Variants in SDK1 observed in about 807,000 individuals in gnomAD.
SDK1 encodes the protein protein sidekick-1.
In SDK1, 157 loss-of-function variants were observed where a neutral mutation model predicts 245.5. The ratio of observed to expected loss-of-function variants is 0.64; its 90% CI spans 0.56 to 0.73. The LOEUF is 0.73. Ranked by LOEUF, SDK1 falls within the 30% of genes least tolerant of loss-of-function variation. SDK1 has a pLI of 0.00. For missense variants in SDK1, 3,583 were observed against 3,002.3 expected, an observed-to-expected ratio of 1.19 and a Z score of -4.52; for synonymous variants, 1,647 against 1,278.5, an observed-to-expected ratio of 1.29 and a Z score of -6.15.
chr7:3,496,306 T>C (rs974358421), intron 1 of SDK1, among the ~76,000 whole-genome samples: 2 of 152,206 alleles, frequency 1.3e-5, no homozygotes, highest in African/African-American at 2.4e-5. Context: ...GCTGTTATTA[T>C]CATTAGTTTC....
rs370692389 is a variant in SDK1, at chr7:4,175,084, A to G, written c.4937-691A>G. Among the ~76,000 whole-genome samples the G allele has an allele frequency of 2.7e-3, 395 of 147,720 alleles. 16 individuals are homozygous for G. The South Asian group carries it at 0.069, about 26-fold the overall frequency. On this transcript the variant is annotated intron_variant, in intron 33 of 44. Coordinates refer to ENST00000404826, the MANE Select transcript of SDK1 (RefSeq NM_152744.4). ...CTGTGGCACCAGGGCTGCCTACCTC[A>G]CGCGCCAATGCCAGCCGCGGGGCCT...
intron 4 of SDK1, among the ~76,000 whole-genome samples, chr7:3,788,241 A>G (rs1343116055): frequency 2.0e-5 from 3 of 152,176 alleles, no homozygotes; most frequent in Non-Finnish European, 4.4e-5. Context: ...GCCGGACACC[A>G]GACACCTTCA....
intron 1 of SDK1, among the ~76,000 whole-genome samples, chr7:3,506,803 C>T (rs1047215521): frequency 2.0e-5 from 3 of 151,194 alleles, no homozygotes; most frequent in African/African-American, 7.3e-5. Context: ...TGATTTTTTC[C>T]TATACTTTAT....
At chr7:3,348,079 T>C (rs914066327) in intron 1 of SDK1, among the ~76,000 whole-genome samples, 3 of 152,152 alleles carry the variant, frequency 2.0e-5, no homozygotes, top group Non-Finnish European at 4.4e-5. Context: ...GGCCTTGGTG[T>C]GTTTACCTCC....
chr7:3,965,873 G>A (rs992443159), intron 9 of SDK1, among the ~76,000 whole-genome samples: 1 of 152,004 alleles, frequency 6.6e-6, no homozygotes, highest in Non-Finnish European at 1.5e-5. Flanking sequence ...GCATGGGCTG[G>A]AGGGGACATC....
intron 5 of SDK1, among the ~76,000 whole-genome samples, chr7:3,908,389 C>A (rs555233191): frequency 6.6e-6 from 1 of 152,200 alleles, no homozygotes; most frequent in Admixed American, 6.5e-5. Flanking sequence ...CCACCACGAA[C>A]CTCGTGTCCC....
chr7:3,309,800 G>A (rs1779507459), intron 1 of SDK1, among the ~76,000 whole-genome samples: 1 of 152,054 alleles, frequency 6.6e-6, no homozygotes, highest in African/African-American at 2.4e-5. Flanking sequence ...GCCGGCCAAA[G>A]GTATTTTTAC....
chr7:3,884,678 G>A lies in SDK1; in HGVS notation c.847+63095G>A, dbSNP rs563009509. 2.0e-5 allele frequency among the ~76,000 whole-genome samples: 3 copies of A among 152,336 alleles called. 1 individual carries two copies. The highest frequency in any genetic ancestry group is 7.2e-5 in the African/African-American group (3 of 41,584). The stretch of plus-strand genomic sequence containing the variant: ...GCTGAGGGCAAGTGCACGGGCCAGT[G>A]TGGGGACCGGCCCCTCCAGCTCCAG... On this transcript the variant is annotated intron_variant, in intron 5 of 44. Transcript: ENST00000404826.
At chr7:4,257,327 G>T (rs1787697320) in intron 44 of SDK1, among the ~76,000 whole-genome samples, 1 of 152,130 alleles carries the variant, frequency 6.6e-6, no homozygotes, top group African/African-American at 2.4e-5. Context: ...ATCACTTTCT[G>T]TCCTTCTACA....
intron 17 of SDK1, among the ~76,000 whole-genome samples, chr7:4,022,671 C>T (rs1222794859): frequency 6.6e-6 from 1 of 152,072 alleles, no homozygotes. Flanking sequence ...TGTTTCCTTC[C>T]AGGCAACTCC....
intron 1 of SDK1, among the ~76,000 whole-genome samples, chr7:3,427,329 G>A (rs988556625): frequency 1.7e-4 from 26 of 152,072 alleles, no homozygotes; most frequent in African/African-American, 6.3e-4. Flanking sequence ...GACCAGCCTG[G>A]CCAACATGAT....
At chr7:3,851,125 C>T (rs927796068) in intron 5 of SDK1, among the ~76,000 whole-genome samples, 5 of 152,106 alleles carry the variant, frequency 3.3e-5, no homozygotes, top group Admixed American at 6.5e-5. Context: ...AAATTATACC[C>T]TACGTGTTGG....
chr7:3,361,680 G>C (rs1259150414), intron 1 of SDK1, among the ~76,000 whole-genome samples: 1 of 152,160 alleles, frequency 6.6e-6, no homozygotes, highest in Non-Finnish European at 1.5e-5. Context: ...CACCTCTTTA[G>C]AACTATTGGC....
intron 1 of SDK1, among the ~76,000 whole-genome samples, chr7:3,303,173 A>C (rs1779326650): frequency 6.6e-6 from 1 of 152,136 alleles, no homozygotes. Flanking sequence ...TTTTCATTTC[A>C]CTTATTTGTG....
At chr7:3,946,359 T>C (rs145379921) in intron 5 of SDK1, among the ~76,000 whole-genome samples, 59 of 152,210 alleles carry the variant, frequency 3.9e-4, no homozygotes, top group African/African-American at 1.3e-3. Context: ...AAAATTATTT[T>C]TGTAGACATG....
At chr7:4,152,468 C>T (rs1225830290) in intron 30 of SDK1, among the ~76,000 whole-genome samples, 3 of 152,174 alleles carry the variant, frequency 2.0e-5, no homozygotes, top group Non-Finnish European at 2.9e-5. Context: ...TTTGTGTAAC[C>T]ATCTAAAAGA....
At chr7:3,651,180 A>G (rs1182443904) in intron 4 of SDK1, among the ~76,000 whole-genome samples, 1 of 143,946 alleles carries the variant, frequency 6.9e-6, no homozygotes, top group African/African-American at 2.6e-5. Context: ...TGGCTGTACC[A>G]TTTTGTAATC....
At chr7:3,789,413 G>A (rs1781012566) in intron 4 of SDK1, among the ~76,000 whole-genome samples, 1 of 152,348 alleles carries the variant, frequency 6.6e-6, no homozygotes, top group African/African-American at 2.4e-5. Context: ...CTCCCAAAGT[G>A]CTGGGATTAC....
intron 1 of SDK1, among the ~76,000 whole-genome samples, chr7:3,453,433 T>A (rs1409675418): frequency 1.3e-5 from 2 of 152,154 alleles, no homozygotes; most frequent in Non-Finnish European, 1.5e-5. Context: ...GTAATTAAAT[T>A]CAGGATCTTG....
Sources: allele counts gnomAD v4.1 joint callset (sites outside exome capture counted in the v4.1 genomes callset), GRCh38; gene constraint gnomAD v4.1.1; transcripts MANE v1.5; gene names NCBI Gene and HGNC (gene_info 2026-07-23, HGNC 2026-07-21).